FGF12: variants seen among roughly 807,000 people sequenced by gnomAD.
FGF12 encodes the protein fibroblast growth factor 12.
A neutral mutation model predicts 23.6 loss-of-function variants in FGF12; 14 were observed. The observed-to-expected ratio is 0.59, with a 90% CI of 0.39 to 0.93. The LOEUF (loss-of-function observed/expected upper bound fraction) is 0.93, where lower values mean the gene tolerates loss of function less well. Among genes scored for constraint, FGF12 ranks in the 40% least tolerant of loss-of-function variants. The pLI is 0.00. For synonymous variants in FGF12, 62 were observed against 77.3 expected (o/e 0.80, Z 1.04); for missense variants, 175 against 217.8 (o/e 0.80, Z 1.24).
intron 2 of FGF12, among the ~76,000 whole-genome samples, chr3:192,641,786 C>G (rs1330756441): frequency 1.3e-5 from 2 of 152,128 alleles, no homozygotes; most frequent in Non-Finnish European, 2.9e-5. Flanking sequence ...TTCCATGCTC[C>G]TAAATAAAAA....
intron 2 of FGF12, among the ~76,000 whole-genome samples, chr3:192,590,096 C>T (rs1455224819): frequency 3.3e-5 from 5 of 151,782 alleles, no homozygotes; most frequent in Non-Finnish European, 1.5e-5. Flanking sequence ...CTTGGTTCTT[C>T]TCTCTCAAAG....
At chr3:192,571,076 T>C (rs1190696082) in intron 2 of FGF12, among the ~76,000 whole-genome samples, 1 of 146,908 alleles carries the variant, frequency 6.8e-6, no homozygotes, top group African/African-American at 2.4e-5. Flanking sequence ...TCTACATTGG[T>C]GTTGGGGGGA....
At chr3:192,196,212 T>C (rs1717060130) in intron 4 of FGF12, among the ~76,000 whole-genome samples, 1 of 152,164 alleles carries the variant, frequency 6.6e-6, no homozygotes, top group African/African-American at 2.4e-5. Flanking sequence ...TGCAGCACTA[T>C]TCACAATAAA....
chr3:192,719,852 C>G (rs1718986764), intron 2 of FGF12, among the ~76,000 whole-genome samples: 1 of 150,486 alleles, frequency 6.6e-6, no homozygotes, highest in African/African-American at 2.4e-5. Flanking sequence ...GGAAGCATAT[C>G]TAGATTTTTC....
intron 2 of FGF12, among the ~76,000 whole-genome samples, chr3:192,549,690 C>T (rs983903432): frequency 2.6e-5 from 4 of 152,030 alleles, no homozygotes; most frequent in Admixed American, 2.0e-4. Flanking sequence ...TGTGGGTGGG[C>T]CTTATCCATC....
At position 192,564,819 on chromosome 3, in the gene FGF12, G is replaced by A. The variant is rs563275612; in HGVS notation, c.13+162362C>T. ...ACAGCATCTCAGGACTGAAATGAAAGATTAGAGGAGAATGTATTTATAGCA... is the reference window on the plus strand; with the variant it reads ...ACAGCATCTCAGGACTGAAATGAAAAATTAGAGGAGAATGTATTTATAGCA... On this transcript the variant is annotated intron_variant, in intron 2 of 5. Coordinates refer to ENST00000445105, the MANE Select transcript of FGF12 (RefSeq NM_004113.6). Among the ~76,000 whole-genome samples the A allele has an allele frequency of 7.9e-5, 12 of 152,324 alleles. No homozygotes were observed. In the East Asian group the frequency reaches 2.3e-3, roughly 29 times the overall value.
At chr3:192,199,168 C>T (rs567284445) in intron 4 of FGF12, among the ~76,000 whole-genome samples, 11 of 152,286 alleles carry the variant, frequency 7.2e-5, no homozygotes, top group Non-Finnish European at 1.0e-4. Flanking sequence ...CTTGGCCTCA[C>T]TTATTCATAA....
At chr3:192,348,962 C>T (rs188503007) in intron 3 of FGF12, among the ~76,000 whole-genome samples, 61 of 152,080 alleles carry the variant, frequency 4.0e-4, no homozygotes, top group Middle Eastern at 3.4e-3. Flanking sequence ...CTGATATGTC[C>T]CCAAGTCATA....
chr3:192,486,623 G>T (rs1723641677), intron 2 of FGF12, among the ~76,000 whole-genome samples: 1 of 152,094 alleles, frequency 6.6e-6, no homozygotes. Context: ...ATGAGACAAG[G>T]TCACAGAGGT....
At chr3:192,485,306 T>C (rs975782783) in intron 2 of FGF12, among the ~76,000 whole-genome samples, 2 of 152,176 alleles carry the variant, frequency 1.3e-5, no homozygotes, top group Admixed American at 1.3e-4. Context: ...CCAATAAAGT[T>C]AAGATTAAAT....
At chr3:192,393,630 G>T (rs1376065461) in intron 2 of FGF12, among the ~76,000 whole-genome samples, 1 of 151,990 alleles carries the variant, frequency 6.6e-6, no homozygotes, top group Non-Finnish European at 1.5e-5. Flanking sequence ...GGAAAAAAAA[G>T]AAAAAGGTCA....
chr3:192,278,739 G>A (rs140693837), intron 4 of FGF12, among the ~76,000 whole-genome samples: 6 of 152,240 alleles, frequency 3.9e-5, no homozygotes, highest in East Asian at 1.9e-4. Context: ...ATCACTGACC[G>A]GACAGAGTTT....
intron 2 of FGF12, among the ~76,000 whole-genome samples, chr3:192,586,192 A>G (rs1451492015): frequency 6.6e-6 from 1 of 152,218 alleles, no homozygotes; most frequent in Non-Finnish European, 1.5e-5. Context: ...TGAGACAAGC[A>G]TGGGTAACAA....
At chr3:192,617,583 A>G (rs1714808981) in intron 2 of FGF12, among the ~76,000 whole-genome samples, 1 of 152,130 alleles carries the variant, frequency 6.6e-6, no homozygotes, top group Non-Finnish European at 1.5e-5. Context: ...CACTATTTAG[A>G]CAGACCAATC....
intron 5 of FGF12, among the ~76,000 whole-genome samples, chr3:192,158,366 CTTTCTTTCTTTCTTTCTTTTCTT>C (rs1560171395): frequency 1.6e-3 from 159 of 97,702 alleles, no homozygotes; most frequent in African/African-American, 7.3e-3. Flanking sequence ...TTCTTTCTTT[CTTTCTTTCTTTCTTTCTTTTCTT>C]TCTCTCTCTT....
chr3:192,498,693 A>T (rs1440866367), intron 2 of FGF12, among the ~76,000 whole-genome samples: 1 of 151,482 alleles, frequency 6.6e-6, no homozygotes, highest in Non-Finnish European at 1.5e-5. Context: ...TTGACTGAGA[A>T]CTAGAGTGAC....
chr3:192,327,448 T>C (rs774774128), intron 4 of FGF12, among the ~76,000 whole-genome samples: 4 of 152,104 alleles, frequency 2.6e-5, no homozygotes, highest in Non-Finnish European at 5.9e-5. Context: ...TTGACTTTAG[T>C]TTATCCTTTA....
chr3:192,660,988 A>AT (rs1716647165), intron 2 of FGF12, among the ~76,000 whole-genome samples: 3 of 95,646 alleles, frequency 3.1e-5, no homozygotes, highest in African/African-American at 1.2e-4. Context: ...GTTCTTTAAA[A>AT]AAAAAATAAT....
chr3:192,589,431 C>G (rs1054683848), intron 2 of FGF12, among the ~76,000 whole-genome samples: 3 of 151,656 alleles, frequency 2.0e-5, no homozygotes, highest in African/African-American at 7.3e-5. Flanking sequence ...GCTAAATTGT[C>G]AGAAGATATA....
Sources: gnomAD v4.1 joint callset for allele counts (sites outside exome capture counted in the v4.1 genomes callset) on GRCh38, gnomAD v4.1.1 for gene constraint, MANE v1.5 for transcripts, NCBI Gene and HGNC (gene_info 2026-07-23, HGNC 2026-07-21) for gene names.